Variants in TBL1XR1 observed in about 807,000 individuals in gnomAD.
TBL1XR1 encodes the protein TBL1X/Y related 1.
A neutral mutation model predicts 66.9 loss-of-function variants in TBL1XR1; 5 were observed. The ratio of observed to expected loss-of-function variants is 0.07; its 90% CI spans 0.04 to 0.16. The LOEUF (loss-of-function observed/expected upper bound fraction) is 0.16. TBL1XR1 is among the 10% of genes least tolerant of loss of function. The probability of loss-of-function intolerance (pLI) is 1.00; values close to 1 mark genes in which losing one functional copy is unlikely to be tolerated. For synonymous variants in TBL1XR1, 210 were observed against 206.0 expected, an observed-to-expected ratio of 1.02 and a Z score of -0.17; for missense variants, 238 against 623.2, an observed-to-expected ratio of 0.38 and a Z score of 6.58.
chr3:177,115,442 A>G (rs1795230), intron 1 of TBL1XR1, among the ~76,000 whole-genome samples: 77,115 of 151,908 alleles, frequency 0.51, 19,981 homozygotes, highest in East Asian at 0.73. Flanking sequence ...AGTCATTATC[A>G]TAGTCATATT....
intron 1 of TBL1XR1, among the ~76,000 whole-genome samples, chr3:177,123,772 A>G (rs1430028142): frequency 1.4e-5 from 2 of 145,646 alleles, no homozygotes; most frequent in East Asian, 4.1e-4. Flanking sequence ...ACGCACTAGT[A>G]CATTTTCTCC....
At chr3:177,136,980 C>T (rs1729072129) in intron 1 of TBL1XR1, among the ~76,000 whole-genome samples, 1 of 152,182 alleles carries the variant, frequency 6.6e-6, no homozygotes. Flanking sequence ...GATGACCTCA[C>T]TCACACGTAT....
chr3:177,083,841 G>C (rs1721761692), intron 2 of TBL1XR1, among the ~76,000 whole-genome samples: 4 of 151,812 alleles, frequency 2.6e-5, no homozygotes, highest in Admixed American at 2.6e-4. Flanking sequence ...TGTAATCCCA[G>C]CACTCTGGGA....
intron 14 of TBL1XR1, among the ~76,000 whole-genome samples, chr3:177,030,969 G>A (rs757123758): frequency 5.3e-5 from 8 of 152,208 alleles, no homozygotes; most frequent in East Asian, 3.9e-4. Flanking sequence ...AAAACTAGCC[G>A]GGTGTGGTGG....
intron 1 of TBL1XR1, among the ~76,000 whole-genome samples, chr3:177,181,310 TC>T (rs1398513944): frequency 1.3e-5 from 2 of 151,820 alleles, no homozygotes; most frequent in Admixed American, 1.3e-4. Context: ...TGAAACCCCA[TC>T]TCTACTAGTA....
chr3:177,073,862 G>T (rs1720353346), intron 2 of TBL1XR1, among the ~76,000 whole-genome samples: 1 of 152,152 alleles, frequency 6.6e-6, no homozygotes, highest in South Asian at 2.1e-4. Context: ...GTTTTGCCCA[G>T]ACTCATCACT....
chr3:177,160,660 T>C (rs1034081084), intron 1 of TBL1XR1, among the ~76,000 whole-genome samples: 4 of 152,068 alleles, frequency 2.6e-5, no homozygotes, highest in Admixed American at 2.0e-4. Context: ...TTTTTATTAT[T>C]TGAAACTCAG....
chr3:177,112,107 A>ATTTTTTTTTTTTTTT (rs71170852), intron 1 of TBL1XR1, among the ~76,000 whole-genome samples: 1 of 37,654 alleles, frequency 2.7e-5, no homozygotes, highest in Non-Finnish European at 4.5e-5. Flanking sequence ...ATATATATAT[A>ATTTTTTTTTTTTTTT]TTTTTTTTTT....
At chr3:177,184,115 C>T (rs1277080536) in intron 1 of TBL1XR1, among the ~76,000 whole-genome samples, 1 of 152,162 alleles carries the variant, frequency 6.6e-6, no homozygotes, top group Non-Finnish European at 1.5e-5. Flanking sequence ...TGAAAATGAG[C>T]ACAACTAGAA....
chr3:177,149,783 A>G (rs1356052748), intron 1 of TBL1XR1, among the ~76,000 whole-genome samples: 1 of 152,192 alleles, frequency 6.6e-6, no homozygotes, highest in Non-Finnish European at 1.5e-5. Context: ...TAAATAAAAC[A>G]TTACTGGAAC....
At chr3:177,038,063 A>C in intron 12 of TBL1XR1, 35 bp downstream of exon 12, 1 of 1,597,614 alleles carries the variant, frequency 6.3e-7, no homozygotes, top group Non-Finnish European at 8.6e-7. Context: ...ACTGTGTGAC[A>C]CCGCCAACCC....
intron 1 of TBL1XR1, among the ~76,000 whole-genome samples, chr3:177,182,878 T>C (rs997109977): frequency 6.6e-6 from 1 of 152,226 alleles, no homozygotes; most frequent in Admixed American, 6.5e-5. Context: ...TAATGGGATA[T>C]AAGAAACTTT....
At position 177,135,975 on chromosome 3, in the gene TBL1XR1, C is replaced by T. The variant is rs139085690; in HGVS notation, c.-121-37434G>A. 2.8e-3 allele frequency among the ~76,000 whole-genome samples: 428 copies of T among 151,964 alleles called. 1 individual carries two copies. The highest frequency in any genetic ancestry group is 0.014 in the Middle Eastern group (4 of 294). On this transcript the variant is annotated intron_variant, in intron 1 of 15. Transcript: ENST00000457928. The stretch of plus-strand genomic sequence containing the variant: ...AATTACCTAAAACTGTTAAGCCAGA[C>T]GAACCAAGATCTACTGGAATCCAAA...
At chr3:177,137,768 G>A (rs1423852848) in intron 1 of TBL1XR1, among the ~76,000 whole-genome samples, 1 of 152,154 alleles carries the variant, frequency 6.6e-6, no homozygotes, top group East Asian at 1.9e-4. Flanking sequence ...CCAGGAGTTT[G>A]AGAACAGCCT....
chr3:177,061,636 T>A (rs1175537977), intron 3 of TBL1XR1, among the ~76,000 whole-genome samples: 1 of 152,206 alleles, frequency 6.6e-6, no homozygotes, highest in Non-Finnish European at 1.5e-5. Flanking sequence ...CCTAATCCAA[T>A]TCAGTGCTCT....
intron 1 of TBL1XR1, among the ~76,000 whole-genome samples, chr3:177,115,972 A>T (rs986447353): frequency 2.0e-5 from 3 of 152,160 alleles, no homozygotes; most frequent in African/African-American, 7.2e-5. Context: ...TGAGGAGGCC[A>T]GGGGAAGCTT....
intron 1 of TBL1XR1, among the ~76,000 whole-genome samples, chr3:177,112,107 A>ATATAT: frequency 4.5e-4 from 17 of 37,654 alleles, no homozygotes; most frequent in East Asian, 1.8e-3. Context: ...ATATATATAT[A>ATATAT]TTTTTTTTTT....
chr3:177,092,785 C>CT (rs1723000591), intron 2 of TBL1XR1, among the ~76,000 whole-genome samples: 1 of 151,676 alleles, frequency 6.6e-6, no homozygotes, highest in Non-Finnish European at 1.5e-5. Flanking sequence ...AAAAAGAATT[C>CT]CAGTTCTAAA....
rs113995388 is a variant in TBL1XR1, at chr3:177,116,779, G to A, written c.-121-18238C>T. ...CAGAGGAAAGTTATGTTAACTAAATGAGATAATGCATTATCAAGCACGTAA... is the reference window on the plus strand; with the variant it reads ...CAGAGGAAAGTTATGTTAACTAAATAAGATAATGCATTATCAAGCACGTAA... On this transcript the variant is annotated intron_variant, in intron 1 of 15. Coordinates refer to ENST00000457928, the MANE Select transcript of TBL1XR1 (RefSeq NM_024665.7). Among the ~76,000 whole-genome samples, 214 of 152,278 alleles carry A rather than the reference G, an allele frequency of 1.4e-3. 1 individual carries two copies. Among genetic ancestry groups the A allele is most frequent in the African/African-American group, 5.0e-3 (208 of 41,544 alleles).
Sources: gnomAD v4.1 joint callset for allele counts (sites outside exome capture counted in the v4.1 genomes callset) on GRCh38, gnomAD v4.1.1 for gene constraint, MANE v1.5 for transcripts, NCBI Gene and HGNC (gene_info 2026-07-23, HGNC 2026-07-21) for gene names.